MIS18A: variants seen among roughly 807,000 people sequenced by gnomAD.
The protein encoded by MIS18A is MIS18 kinetochore protein A.
MIS18A carries 14 observed loss-of-function variants against 25.0 expected under a neutral mutation model. The ratio of observed to expected loss-of-function variants is 0.56; its 90% CI spans 0.37 to 0.88. The LOEUF (loss-of-function observed/expected upper bound fraction) is 0.88, where lower values mean the gene tolerates loss of function less well. Among genes scored for constraint, MIS18A ranks in the 40% least tolerant of loss-of-function variants. MIS18A has a pLI of 0.00. For missense variants in MIS18A, 292 were observed against 290.8 expected, an observed-to-expected ratio of 1.00 and a Z score of -0.03; for synonymous variants, 134 against 118.6, an observed-to-expected ratio of 1.13 and a Z score of -0.84.
chr21:32,253,152 G>A, the MIS18A span, among the ~76,000 whole-genome samples: 10 of 150,706 alleles, frequency 6.6e-5, no homozygotes, highest in African/African-American at 2.4e-4. Flanking sequence ...CATGCAGATG[G>A]TGCCCCCCCG....
At chr21:32,212,945 C>A in the MIS18A span, among the ~76,000 whole-genome samples, 12 of 152,308 alleles carry the variant, frequency 7.9e-5, no homozygotes, top group Middle Eastern at 6.8e-3. Context: ...TTATAAATTA[C>A]CCAGTCTCGG....
the MIS18A span, among the ~76,000 whole-genome samples, chr21:32,200,908 A>AGAACC: frequency 1.3e-5 from 2 of 152,222 alleles, no homozygotes; most frequent in Non-Finnish European, 2.9e-5. Context: ...AGGAGGCAGG[A>AGAACC]GAACCAGAGG....
chr21:32,161,563 C>A, the MIS18A span, among the ~76,000 whole-genome samples: 6 of 151,832 alleles, frequency 4.0e-5, no homozygotes, highest in Non-Finnish European at 7.4e-5. Context: ...GTGATCTCAG[C>A]TCACTGCAAA....
At chr21:32,230,154 T>C in the MIS18A span, among the ~76,000 whole-genome samples, 1 of 152,242 alleles carries the variant, frequency 6.6e-6, no homozygotes, top group Non-Finnish European at 1.5e-5. Context: ...CCTTTCTCTC[T>C]TTTAAATAAG....
the MIS18A span, among the ~76,000 whole-genome samples, chr21:32,246,163 A>G: frequency 2.6e-5 from 4 of 152,186 alleles, no homozygotes; most frequent in African/African-American, 9.7e-5. Context: ...CCGCCCCATC[A>G]TCAAATCACC....
chr21:32,263,077 A>C, the MIS18A span, among the ~76,000 whole-genome samples: 1 of 152,364 alleles, frequency 6.6e-6, no homozygotes, highest in East Asian at 1.9e-4. Context: ...AAAATATGTC[A>C]GATTAGATCA....
chr21:32,194,049 C>G, the MIS18A span, among the ~76,000 whole-genome samples: 1 of 152,076 alleles, frequency 6.6e-6, no homozygotes, highest in Non-Finnish European at 1.5e-5. Flanking sequence ...GCTGAGAGCC[C>G]CAGTTCTGAA....
At chr21:32,213,570 A>T in the MIS18A span, among the ~76,000 whole-genome samples, 1 of 152,184 alleles carries the variant, frequency 6.6e-6, no homozygotes, top group South Asian at 2.1e-4. Context: ...GGGAGAAGAG[A>T]GTCTTTCTGC....
intron 1 of MIS18A, among the ~76,000 whole-genome samples, chr21:32,276,208 C>A (rs557799193): frequency 5.0e-4 from 76 of 152,220 alleles, no homozygotes; most frequent in African/African-American, 1.7e-3. Flanking sequence ...GGAAAATAAT[C>A]CCAGCACTTT....
the MIS18A span, among the ~76,000 whole-genome samples, chr21:32,243,877 T>A: frequency 2.0e-5 from 3 of 151,512 alleles, no homozygotes; most frequent in South Asian, 6.3e-4. Flanking sequence ...AATTAGCCAG[T>A]GAGCCGCAAT....
chr21:32,265,617 A>C (rs1390101311), downstream of MIS18A, among the ~76,000 whole-genome samples: 6 of 151,896 alleles, frequency 4.0e-5, no homozygotes, highest in Non-Finnish European at 8.8e-5. Context: ...CCTCCCACCC[A>C]CTCCATGGGC....
At chr21:32,208,249 G>A in the MIS18A span, among the ~76,000 whole-genome samples, 2 of 152,170 alleles carry the variant, frequency 1.3e-5, no homozygotes, top group East Asian at 3.8e-4. Context: ...CAAATCTCTT[G>A]TCGAATTCTA....
At chr21:32,227,847 A>G in the MIS18A span, among the ~76,000 whole-genome samples, 1 of 152,232 alleles carries the variant, frequency 6.6e-6, no homozygotes, top group Non-Finnish European at 1.5e-5. Context: ...AGATGTGTAC[A>G]CTGTGACCAA....
the MIS18A span, among the ~76,000 whole-genome samples, chr21:32,190,206 G>GTCTCTC: frequency 1.3e-5 from 2 of 151,756 alleles, no homozygotes; most frequent in South Asian, 2.1e-4. Flanking sequence ...TCATCTCACT[G>GTCTCTC]TCTCTCTCTC....
chr21:32,225,418 C>A, the MIS18A span, among the ~76,000 whole-genome samples: 1 of 59,660 alleles, frequency 1.7e-5, no homozygotes, highest in Non-Finnish European at 2.8e-5. Flanking sequence ...ACAATGAACT[C>A]AAACAAATTT....
At chr21:32,263,225 T>C in the MIS18A span, among the ~76,000 whole-genome samples, 2 of 152,248 alleles carry the variant, frequency 1.3e-5, no homozygotes, top group African/African-American at 2.4e-5. Context: ...ACTACTTATA[T>C]AAAATTTTAA....
chr21:32,252,389 G>C, the MIS18A span, among the ~76,000 whole-genome samples: 52 of 147,712 alleles, frequency 3.5e-4, no homozygotes, highest in African/African-American at 1.1e-3. Flanking sequence ...GAAGAGAGAA[G>C]AAAGAAGGAG....
chr21:32,263,496 G>A (rs1230631653), downstream of MIS18A, among the ~76,000 whole-genome samples: 1 of 152,174 alleles, frequency 6.6e-6, no homozygotes, highest in African/African-American at 2.4e-5. Context: ...AGCTACTTGG[G>A]AGGCTGAGGC....
the MIS18A span, among the ~76,000 whole-genome samples, chr21:32,206,078 C>T: frequency 6.6e-6 from 1 of 152,156 alleles, no homozygotes; most frequent in African/African-American, 2.4e-5. Flanking sequence ...ACCAGGTCCT[C>T]CAGGCCAAAC....
Sources: gnomAD v4.1 joint callset for allele counts (sites outside exome capture counted in the v4.1 genomes callset) on GRCh38, gnomAD v4.1.1 for gene constraint, MANE v1.5 for transcripts, NCBI Gene and HGNC (gene_info 2026-07-23, HGNC 2026-07-21) for gene names.